The following FOXO3B variants were observed in gnomAD, a reference collection of about 807,000 sequenced individuals.
FOXO3B encodes the protein forkhead box protein O3B.
In FOXO3B, 15 loss-of-function variants were observed where a neutral mutation model predicts 21.9. The observed-to-expected ratio is 0.68, with a 90% CI of 0.46 to 1.05. The LOEUF (loss-of-function observed/expected upper bound fraction) is 1.05, where lower values mean the gene tolerates loss of function less well. Among genes scored for constraint, FOXO3B ranks in the 50% least tolerant of loss-of-function variants. FOXO3B has a pLI of 0.00. For missense variants in FOXO3B, 293 were observed against 435.5 expected (o/e 0.67, Z 2.91); for synonymous variants, 135 against 213.6 (o/e 0.63, Z 3.21).
rs1238078527 is a variant in FOXO3B at position 18,672,471 on chromosome 17, C to A, written c.711G>T (p.Ser237=). 1.4e-5 allele frequency: 22 copies of A among 1,574,384 alleles called. No individual in the cohort carries two copies. Among genetic ancestry groups the A allele is most frequent in the Non-Finnish European group, 1.8e-5 (21 of 1,160,384 alleles). ...ACAGGTTTCCCCAGGCGTTCCGCCG[C>A]GACGAACATTTCCTCGGCTGCCCGG... ...GGSGQPRKCS[S]RRNAWGNLSY... The change falls in exon 4 of 4, where the codon TCG becomes TCT. Residue 237 remains serine, a synonymous_variant. Transcript: ENST00000395675. The surrounding 1 kb of genome is among the most constrained non-coding windows in gnomAD (Gnocchi z 4.2).
chr17:18,668,946 T>C lies in FOXO3B; in HGVS notation c.*3363A>G. On this transcript the variant is annotated 3_prime_UTR_variant, in exon 4 of 4. Transcript: ENST00000395675. ...ATAGAATACATACTTTAAAAAATTA[T>C]ACATACTTTAAAAATGAAGATTATA... The C allele has an allele frequency of 6.6e-6, 1 of 152,470 alleles. No homozygotes were observed. Among genetic ancestry groups the C allele is most frequent in the Non-Finnish European group, 1.5e-5 (1 of 68,046 alleles). 9.4% of individuals were successfully genotyped at this position (152,470 alleles called of 1,614,324 possible). A position where few individuals can be genotyped will look rare whatever the true frequency, so the allele number is the denominator to read the frequency against.
Position 18,672,182 on chromosome 17 carries a change from G to A in FOXO3B, c.*127C>T. On this transcript the variant is annotated 3_prime_UTR_variant, in exon 4 of 4. Coordinates refer to ENST00000395675, the MANE Select transcript of FOXO3B (RefSeq NM_001368135.1). The surrounding 1 kb of genome is among the most constrained non-coding windows in gnomAD (Gnocchi z 4.2). ...CTATTGTCCATGGAGACAGCCCGCC[G>A]CCGGGGGGCTTTTCCGCTCTTCCCC... 1 of 1,613,066 alleles carries A rather than the reference G, an allele frequency of 6.2e-7. No homozygotes were observed. Among genetic ancestry groups the A allele is most frequent in the Admixed American group, 1.7e-5 (1 of 59,912 alleles).
chr17:18,676,964 A>G (rs2032497590), intron 3 of FOXO3B, among the ~76,000 whole-genome samples: 1 of 152,244 alleles, frequency 6.6e-6, no homozygotes, highest in African/African-American at 2.4e-5. Flanking sequence ...TGGCCTCCCA[A>G]AGTGCTGGGA....
At chr17:18,674,874 C>A (rs1051758829) in intron 3 of FOXO3B, among the ~76,000 whole-genome samples, 1 of 152,132 alleles carries the variant, frequency 6.6e-6, no homozygotes, top group African/African-American at 2.4e-5. Flanking sequence ...TCCCACAAAG[C>A]GTAATTATTT....
Position 18,670,875 on chromosome 17 carries a change from T to G in FOXO3B, c.*1434A>C. On this transcript the variant is annotated 3_prime_UTR_variant, in exon 4 of 4. Transcript: ENST00000395675. ...TCTTGTGTCAGTTTGAGGGTCTGCTTTGCCCACTTCCCCTTCCTCAGTGAT... is the reference window on the plus strand; with the variant it reads ...TCTTGTGTCAGTTTGAGGGTCTGCTGTGCCCACTTCCCCTTCCTCAGTGAT... 6.3e-7 allele frequency: 1 copy of G among 1,588,784 alleles called. No homozygotes were observed.
chr17:18,679,823 C>T (rs2032552625), intron 3 of FOXO3B, among the ~76,000 whole-genome samples: 2 of 149,372 alleles, frequency 1.3e-5, no homozygotes, highest in South Asian at 4.2e-4. Context: ...ATAGTACAAT[C>T]ACCGCCTAAA....
chr17:18,669,745 C>T lies in FOXO3B; in HGVS notation c.*2564G>A, dbSNP rs190981755. Among the ~76,000 whole-genome samples, 2 of 152,300 alleles carry T rather than the reference C, an allele frequency of 1.3e-5. No individual in the cohort carries two copies. Among genetic ancestry groups the T allele is most frequent in the Non-Finnish European group, 2.9e-5 (2 of 68,030 alleles). On this transcript the variant is annotated 3_prime_UTR_variant, in exon 4 of 4. Transcript: ENST00000395675. ...TCAGTTTATATGCTATTGCCTCTCA[C>T]TCATACACTTCTAGCAGATCAGATT...
rs1309166972 is a variant in FOXO3B, at chr17:18,672,309, C to T, written c.873G>A (p.Ter291=). ...DKGNSNSSAG[*] ...ACAGGTTGTGCCGGATGGAGTTCTT[C>T]TAGCCGGCAGAGCTGTTGCTGTTGC... is the stretch of plus-strand genomic sequence containing the variant. The change falls in exon 4 of 4, where the codon TAG becomes TAA. Residue 291 remains the stop codon, a stop_retained_variant. Coordinates refer to ENST00000395675, the MANE Select transcript of FOXO3B (RefSeq NM_001368135.1). This position sits in a 1 kb window ranked among gnomAD's most constrained non-coding sequence, Gnocchi z 4.2. 2.0e-5 allele frequency: 32 copies of T among 1,612,818 alleles called. No homozygotes were observed. The highest frequency in any genetic ancestry group is 2.5e-5 in the Non-Finnish European group (30 of 1,179,200).
intron 3 of FOXO3B, chr17:18,677,289 G>C (rs1156936751): frequency 1.2e-6 from 2 of 1,613,386 alleles, no homozygotes; most frequent in Non-Finnish European, 8.5e-7. Context: ...ACTCCTGCTG[G>C]GGAAGGACTT....
At position 18,682,255 on chromosome 17, in the gene FOXO3B, T is replaced by C. The variant is rs146956499; in HGVS notation, c.-247A>G. On this transcript the variant is annotated 5_prime_UTR_variant, in exon 1 of 4. Transcript: ENST00000395675. ...ACGAACTTCTTTGGCCAGCTCGGAG[T>C]CGCGCATGAGTAAGAAGGAGCGGAG... is the stretch of plus-strand genomic sequence containing the variant. The C allele has an allele frequency of 6.3e-3, 4,179 of 661,986 alleles. 264 individuals carry two copies. In the African/African-American group the frequency reaches 0.066, roughly 10 times the overall value. 41.0% of individuals were successfully genotyped at this position (661,986 alleles called of 1,614,324 possible). A position where few individuals can be genotyped will look rare whatever the true frequency, so the allele number is the denominator to read the frequency against.
intron 3 of FOXO3B, among the ~76,000 whole-genome samples, chr17:18,674,465 A>T (rs1427634800): frequency 8.0e-5 from 12 of 149,582 alleles, no homozygotes; most frequent in Non-Finnish European, 1.6e-4. Context: ...CTCTACTAAA[A>T]ATACAAAAAA....
Position 18,671,740 on chromosome 17 carries a change from G to A in FOXO3B, c.*569C>T. ...GTGGGCGATGGCTGGGATGGCGGGA[G>A]CGTGATGTTATCCAGCAGGTCGTCC... On this transcript the variant is annotated 3_prime_UTR_variant, in exon 4 of 4. Coordinates refer to ENST00000395675, the MANE Select transcript of FOXO3B (RefSeq NM_001368135.1). The A allele has an allele frequency of 6.2e-7, 1 of 1,613,760 alleles. No homozygotes were observed. The highest frequency in any genetic ancestry group is 2.2e-5 in the East Asian group (1 of 44,876).
rs1390132692 is a variant in FOXO3B, at chr17:18,671,695, T to G, written c.*614A>C. The G allele has an allele frequency of 2.5e-6, 4 of 1,613,354 alleles. No homozygotes were observed. Among genetic ancestry groups the G allele is most frequent in the Non-Finnish European group, 3.4e-6 (4 of 1,179,998 alleles). ...TTGGTGGTATACGGGAAGCTAGAAC[T>G]CCGCTGCATGAGTCCCCCAGTGGGC... On this transcript the variant is annotated 3_prime_UTR_variant, in exon 4 of 4. Transcript: ENST00000395675.
Position 18,673,110 on chromosome 17 carries a change from C to A in FOXO3B, c.127-55G>T, listed in dbSNP as rs60703530. On this transcript the variant is annotated intron_variant, in intron 3 of 3. Transcript: ENST00000395675. ...GAGTTGGTTATCCCCGGCCGGAGCC[C>A]CGTCCTCGGCGAGTCCTCGCCCGCT... 3.5e-3 allele frequency: 5,078 copies of A among 1,446,524 alleles called. 182 individuals carry two copies. The African/African-American group carries it at 0.068, about 19-fold the overall frequency. The allele number at this position is 1,446,524 out of a possible 1,614,324, so 89.6% of individuals were successfully genotyped here.
At chr17:18,677,465 C>G in intron 3 of FOXO3B, 7 of 1,614,178 alleles carry the variant, frequency 4.3e-6, no homozygotes, top group Non-Finnish European at 5.9e-6. Context: ...ACCCTAACCC[C>G]GAGTCTGCAC....
chr17:18,673,270 A>C (rs540525277), intron 3 of FOXO3B, among the ~76,000 whole-genome samples: 3 of 152,116 alleles, frequency 2.0e-5, no homozygotes, highest in African/African-American at 4.8e-5. Flanking sequence ...CATGTTTATA[A>C]TTTTTTATTT....
intron 3 of FOXO3B, chr17:18,677,182 A>G (rs1413833662): frequency 1.4e-5 from 17 of 1,233,614 alleles, no homozygotes; most frequent in Middle Eastern, 2.1e-4. Flanking sequence ...CAATGACTCT[A>G]GAAACCTCTT....
In FOXO3B at chr17:18,671,688, C is replaced by G; in HGVS notation, c.*621G>C. 1.2e-6 allele frequency: 2 copies of G among 1,613,646 alleles called. No individual in the cohort carries two copies. Among genetic ancestry groups the G allele is most frequent in the Non-Finnish European group, 1.7e-6 (2 of 1,180,008 alleles). On this transcript the variant is annotated 3_prime_UTR_variant, in exon 4 of 4. Coordinates refer to ENST00000395675, the MANE Select transcript of FOXO3B (RefSeq NM_001368135.1). ...CGAGCCCTTGGTGGTATACGGGAAGCTAGAACTCCGCTGCATGAGTCCCCC... is the reference window on the plus strand; with the variant it reads ...CGAGCCCTTGGTGGTATACGGGAAGGTAGAACTCCGCTGCATGAGTCCCCC...
Position 18,670,969 on chromosome 17 carries a change from C to A in FOXO3B, c.*1340G>T, listed in dbSNP as rs1166164899. On this transcript the variant is annotated 3_prime_UTR_variant, in exon 4 of 4. Transcript: ENST00000395675. ...CCAGTGAAGTTCCCCACGTTCAAAC[C>A]AACAACATTCTGTGTGGAGATGAGG... 3 of 1,344,020 alleles carry A rather than the reference C, an allele frequency of 2.2e-6. No individual in the cohort carries two copies. Among genetic ancestry groups the A allele is most frequent in the Admixed American group, 2.1e-5 (1 of 46,744 alleles). The allele number at this position is 1,344,020 out of a possible 1,614,324, so 83.3% of individuals were successfully genotyped here. A position where few individuals can be genotyped will look rare whatever the true frequency, so the allele number is the denominator to read the frequency against.
Sources: gnomAD v4.1 joint callset for allele counts (sites outside exome capture counted in the v4.1 genomes callset) on GRCh38, gnomAD v4.1.1 for gene constraint, Gnocchi (gnomAD v3.1) non-coding constraint, MANE v1.5 for transcripts, NCBI Gene and HGNC (gene_info 2026-07-23, HGNC 2026-07-21) for gene names.